The following ANGPT1 variants were observed in gnomAD, a reference collection of about 807,000 sequenced individuals.
ANGPT1 encodes angiopoietin 1.
A neutral mutation model predicts 62.2 loss-of-function variants in ANGPT1; 17 were observed. That is an observed-to-expected ratio of 0.27 (90% CI 0.19 to 0.41). The LOEUF is 0.41. Among genes scored for constraint, ANGPT1 ranks in the 10% least tolerant of loss-of-function variants. The probability of loss-of-function intolerance (pLI) is 1.00; values close to 1 mark genes in which losing one functional copy is unlikely to be tolerated. For synonymous variants in ANGPT1, 199 were observed against 198.9 expected, an observed-to-expected ratio of 1.00 and a Z score of 0.00; for missense variants, 478 against 594.9, an observed-to-expected ratio of 0.80 and a Z score of 2.04.
intron 4 of ANGPT1, among the ~76,000 whole-genome samples, chr8:107,311,324 G>A (rs1383871507): frequency 2.6e-5 from 4 of 151,638 alleles, no homozygotes; most frequent in Non-Finnish European, 5.9e-5. Flanking sequence ...GATAATAACG[G>A]ATTAAATTAT....
At chr8:107,329,769 A>G (rs1212905820) in intron 3 of ANGPT1, among the ~76,000 whole-genome samples, 1 of 151,936 alleles carries the variant, frequency 6.6e-6, no homozygotes, top group Non-Finnish European at 1.5e-5. Flanking sequence ...TAGCATTCAA[A>G]ATGCATTTAA....
intron 3 of ANGPT1, among the ~76,000 whole-genome samples, chr8:107,335,587 C>T (rs888427810): frequency 4.6e-5 from 7 of 152,044 alleles, no homozygotes; most frequent in Non-Finnish European, 1.0e-4. Flanking sequence ...ATAAAGCTAA[C>T]CAAAGAAATT....
In ANGPT1 at chr8:107,497,816, A is replaced by C; in HGVS notation, c.-258T>G. 1 of 573,398 alleles carries C rather than the reference A, an allele frequency of 1.7e-6. No homozygotes were observed. Among genetic ancestry groups the C allele is most frequent in the Non-Finnish European group, 3.1e-6 (1 of 327,506 alleles). 35.5% of individuals were successfully genotyped at this position (573,398 alleles called of 1,614,324 possible). A position where few individuals can be genotyped will look rare whatever the true frequency, so the allele number is the denominator to read the frequency against. Reference sequence around the variant, plus strand: ...ATTTATTGCATAGTAGCTGAGATTTATTGTTTCCTCTCTGTGTGACCGTTC... The same window carrying C: ...ATTTATTGCATAGTAGCTGAGATTTCTTGTTTCCTCTCTGTGTGACCGTTC... On this transcript the variant is annotated 5_prime_UTR_variant, in exon 1 of 9. An upstream open reading frame in the 5' UTR loses its in-frame stop. Transcript: ENST00000517746.
At chr8:107,396,244 C>T (rs1816930903) in intron 1 of ANGPT1, among the ~76,000 whole-genome samples, 1 of 152,112 alleles carries the variant, frequency 6.6e-6, no homozygotes, top group Non-Finnish European at 1.5e-5. Context: ...AGGCATTTGT[C>T]TATCTTCAGT....
intron 1 of ANGPT1, among the ~76,000 whole-genome samples, chr8:107,458,371 C>T (rs990450882): frequency 6.6e-6 from 1 of 152,054 alleles, no homozygotes; most frequent in Non-Finnish European, 1.5e-5. Context: ...AAATCTGTTT[C>T]TCAAAAGTTC....
rs1331870319 is a variant in ANGPT1 at position 107,497,535 on chromosome 8, A to T, written c.24T>A (p.Ala8=). ...TGTGAGTCAGAATGGCAGCGAGGAA[A>T]GCAAAGGAAAGGAAAACTGTCATTG... MTVFLSF[A]FLAAILTHIG... is the part of the protein sequence containing the mutation. The change falls in exon 1 of 9, where the codon GCT becomes GCA. Residue 8 remains alanine, a synonymous_variant. Transcript: ENST00000517746. 3 of 1,614,042 alleles carry T rather than the reference A, an allele frequency of 1.9e-6. No homozygotes were observed. Among genetic ancestry groups the T allele is most frequent in the Non-Finnish European group, 2.5e-6 (3 of 1,179,968 alleles).
chr8:107,348,595 T>C (rs970459615), intron 1 of ANGPT1, among the ~76,000 whole-genome samples: 2 of 152,170 alleles, frequency 1.3e-5, no homozygotes, highest in African/African-American at 4.8e-5. Flanking sequence ...TATATTATAA[T>C]AAATCTCTGA....
intron 2 of ANGPT1, among the ~76,000 whole-genome samples, chr8:107,346,273 GGAATA>G (rs1337281440): frequency 6.6e-6 from 1 of 152,064 alleles, no homozygotes; most frequent in African/African-American, 2.4e-5. Flanking sequence ...AATGGTAACT[GGAATA>G]ATGATTTTCA....
chr8:107,397,736 A>AT (rs1816964096), intron 1 of ANGPT1, among the ~76,000 whole-genome samples: 1 of 151,942 alleles, frequency 6.6e-6, no homozygotes, highest in African/African-American at 2.4e-5. Context: ...ATTTGCTTCC[A>AT]TTTTTCTTAC....
intron 5 of ANGPT1, chr8:107,295,608 G>A (rs1814394151): frequency 6.6e-6 from 1 of 151,964 alleles, no homozygotes; most frequent in Non-Finnish European, 1.5e-5. Context: ...GAATCATGGA[G>A]ACAATAATCT....
chr8:107,277,824 T>C (rs561983498), intron 7 of ANGPT1, among the ~76,000 whole-genome samples: 4 of 152,122 alleles, frequency 2.6e-5, no homozygotes, highest in African/African-American at 9.6e-5. Flanking sequence ...AAAAATGTAA[T>C]TGATAGATGA....
At chr8:107,335,624 A>G (rs1461771174) in intron 3 of ANGPT1, among the ~76,000 whole-genome samples, 1 of 152,174 alleles carries the variant, frequency 6.6e-6, no homozygotes, top group Non-Finnish European at 1.5e-5. Context: ...AATGGCTGTA[A>G]ATGACAACTA....
chr8:107,484,569 C>G (rs1029392093), intron 1 of ANGPT1, among the ~76,000 whole-genome samples: 19 of 151,936 alleles, frequency 1.3e-4, no homozygotes, highest in African/African-American at 4.1e-4. Context: ...CCATGCCAGG[C>G]TAATTCTTGT....
chr8:107,497,262 T>G lies in ANGPT1; in HGVS notation c.297A>C (p.Lys99Asn). ...VMENYTQWLQKLENYIVENMK... is the reference protein window; with the variant it reads ...VMENYTQWLQNLENYIVENMK... ...TTAGAAACTGAAAGCAATCACTTAC[T>G]TTTTGCAGCCACTGAGTATAATTTT... Residue 99 changes from lysine to asparagine, a missense_variant and splice_region_variant, in exon 1 of 9, where the codon AAA (lysine) becomes AAC (asparagine). Coordinates refer to ENST00000517746, the MANE Select transcript of ANGPT1 (RefSeq NM_001146.5). The G allele has an allele frequency of 6.2e-7, 1 of 1,613,082 alleles. No homozygotes were observed. Among genetic ancestry groups the G allele is most frequent in the Non-Finnish European group, 8.5e-7 (1 of 1,179,256 alleles).
intron 1 of ANGPT1, among the ~76,000 whole-genome samples, chr8:107,489,185 T>C (rs1166127933): frequency 6.6e-6 from 1 of 152,158 alleles, no homozygotes; most frequent in African/African-American, 2.4e-5. Context: ...CTGATGCCAG[T>C]GAGTTTGGTC....
At chr8:107,488,968 T>G (rs191939248) in intron 1 of ANGPT1, among the ~76,000 whole-genome samples, 119 of 152,274 alleles carry the variant, frequency 7.8e-4, no homozygotes, top group African/African-American at 2.7e-3. Flanking sequence ...ATTTATTGGT[T>G]CTCTGGGAAT....
intron 1 of ANGPT1, among the ~76,000 whole-genome samples, chr8:107,491,835 CA>C (rs1290814442): frequency 7.5e-4 from 114 of 152,234 alleles, no homozygotes; most frequent in African/African-American, 2.2e-3. Flanking sequence ...ATTTAAATTA[CA>C]TTAAGCCAAT....
intron 7 of ANGPT1, among the ~76,000 whole-genome samples, chr8:107,280,220 G>A (rs558276462): frequency 4.0e-4 from 60 of 150,610 alleles, no homozygotes; most frequent in African/African-American, 1.4e-3. Flanking sequence ...TTTTTTTTGA[G>A]ATGGCGTTTC....
chr8:107,370,617 C>T (rs534041231), intron 1 of ANGPT1, among the ~76,000 whole-genome samples: 1 of 144,326 alleles, frequency 6.9e-6, no homozygotes, highest in South Asian at 2.3e-4. Flanking sequence ...GCAAGGGAAT[C>T]ACTTGAACCC....
Sources: gnomAD v4.1 joint callset for allele counts (sites outside exome capture counted in the v4.1 genomes callset) on GRCh38, gnomAD v4.1.1 for gene constraint, MANE v1.5 for transcripts, NCBI Gene and HGNC (gene_info 2026-07-23, HGNC 2026-07-21) for gene names.